The following SLC6A17 variants were observed in gnomAD, a reference collection of about 807,000 sequenced individuals.
SLC6A17 encodes the protein sodium-dependent neutral amino acid transporter SLC6A17.
SLC6A17 carries 21 observed loss-of-function variants against 64.5 expected under a neutral mutation model. The observed-to-expected ratio is 0.33, with a 90% confidence interval of 0.23 to 0.47. The LOEUF (loss-of-function observed/expected upper bound fraction) is 0.47. Among genes scored for constraint, SLC6A17 ranks in the 20% least tolerant of loss-of-function variants. The probability of loss-of-function intolerance (pLI) is 1.00; values close to 1 mark genes in which losing one functional copy is unlikely to be tolerated. For synonymous variants in SLC6A17, 372 were observed against 399.5 expected, an observed-to-expected ratio of 0.93 and a Z score of 0.82; for missense variants, 682 against 963.2, an observed-to-expected ratio of 0.71 and a Z score of 3.86.
At chr1:110,152,943 C>A (rs933429524) in intron 1 of SLC6A17, among the ~76,000 whole-genome samples, 3 of 152,136 alleles carry the variant, frequency 2.0e-5, no homozygotes, top group Non-Finnish European at 4.4e-5. Context: ...CGGTGCTTCC[C>A]ATGTGATTAA....
chr1:110,158,504 C>A (rs2101837955), intron 1 of SLC6A17, among the ~76,000 whole-genome samples: 1 of 152,330 alleles, frequency 6.6e-6, no homozygotes, highest in African/African-American at 2.4e-5. Context: ...AAGGTGGTAG[C>A]TGGCACTGGT....
intron 6 of SLC6A17, chr1:110,178,781 C>T (rs1005431057): frequency 3.9e-5 from 6 of 152,112 alleles, no homozygotes; most frequent in East Asian, 1.9e-4. Context: ...GCACTAATCC[C>T]GTCAGGGCTC....
At chr1:110,171,113 T>C (rs1224262666) in intron 2 of SLC6A17, among the ~76,000 whole-genome samples, 1 of 152,184 alleles carries the variant, frequency 6.6e-6, no homozygotes, top group Non-Finnish European at 1.5e-5. Flanking sequence ...TGGGATGTTA[T>C]GTTATGGGGG....
chr1:110,152,211 T>C (rs181465014), intron 1 of SLC6A17, among the ~76,000 whole-genome samples: 1 of 152,328 alleles, frequency 6.6e-6, no homozygotes, highest in East Asian at 1.9e-4. Flanking sequence ...CTGATTGTCC[T>C]TGGCCATGGC....
intron 1 of SLC6A17, among the ~76,000 whole-genome samples, chr1:110,161,356 T>C (rs999123157): frequency 1.3e-5 from 2 of 152,132 alleles, no homozygotes; most frequent in East Asian, 3.9e-4. Context: ...GAGTTAGATG[T>C]TGGCTTTGAG....
intron 1 of SLC6A17, among the ~76,000 whole-genome samples, chr1:110,151,615 T>C (rs1655609553): frequency 6.6e-6 from 1 of 152,144 alleles, no homozygotes; most frequent in South Asian, 2.1e-4. Flanking sequence ...CTCGCAGTAC[T>C]ATGGGTGGGC....
chr1:110,190,221 C>A (rs560208987), intron 6 of SLC6A17, among the ~76,000 whole-genome samples: 161 of 152,154 alleles, frequency 1.1e-3, no homozygotes, highest in Non-Finnish European at 3.5e-4. Context: ...ATCCTTAAGG[C>A]CTGGGTTCTG....
chr1:110,153,505 A>G (rs1336441911), intron 1 of SLC6A17, among the ~76,000 whole-genome samples: 1 of 94,388 alleles, frequency 1.1e-5, no homozygotes, highest in Non-Finnish European at 2.7e-5. Context: ...GGGGACTCCA[A>G]TCTGCTACTG....
chr1:110,167,763 TC>T (rs1479023843), intron 2 of SLC6A17, among the ~76,000 whole-genome samples: 1 of 152,202 alleles, frequency 6.6e-6, no homozygotes, highest in East Asian at 1.9e-4. Flanking sequence ...CATCGAATCC[TC>T]CCAACAGCCT....
chr1:110,188,895 C>G (rs1372577802), intron 6 of SLC6A17, among the ~76,000 whole-genome samples: 3 of 152,140 alleles, frequency 2.0e-5, no homozygotes, highest in Non-Finnish European at 4.4e-5. Flanking sequence ...GGAGCAACTC[C>G]GAGGAAGCCT....
chr1:110,187,253 C>G lies in SLC6A17; in HGVS notation c.865-4719C>G, dbSNP rs1441097650. ...GCAGAACAATTCGCGAATCGGGCAG[C>G]CTTCCGAGCCAGAGTAGGTTCAGAG... On this transcript the variant is annotated intron_variant, in intron 6 of 11. Transcript: ENST00000331565. 2.0e-5 allele frequency among the ~76,000 whole-genome samples: 3 copies of G among 152,188 alleles called. No homozygotes were observed. In the East Asian group the frequency reaches 5.8e-4, roughly 29 times the overall value.
chr1:110,162,747 A>G (rs932762730), intron 1 of SLC6A17, among the ~76,000 whole-genome samples: 8 of 152,066 alleles, frequency 5.3e-5, no homozygotes, highest in African/African-American at 9.7e-5. Context: ...CCAAGTCACT[A>G]TTTCCACTGG....
intron 6 of SLC6A17, 24 bp downstream of exon 6, chr1:110,176,763 G>T: frequency 6.3e-7 from 1 of 1,596,844 alleles, no homozygotes; most frequent in Non-Finnish European, 8.6e-7. Flanking sequence ...GCTCCCACAT[G>T]CCAGGGAACA....
intron 10 of SLC6A17, among the ~76,000 whole-genome samples, chr1:110,196,440 G>T (rs1656971048): frequency 6.6e-6 from 1 of 152,112 alleles, no homozygotes; most frequent in Admixed American, 6.5e-5. Flanking sequence ...TCTTTCACAG[G>T]GGCCGTCTGC....
At chr1:110,179,398 A>G (rs897060540) in intron 6 of SLC6A17, among the ~76,000 whole-genome samples, 5 of 152,218 alleles carry the variant, frequency 3.3e-5, no homozygotes, top group Non-Finnish European at 7.3e-5. Context: ...CAAGCTGTAC[A>G]TGAAAATCCC....
At chr1:110,169,584 G>A (rs768322636) in intron 2 of SLC6A17, among the ~76,000 whole-genome samples, 4 of 151,972 alleles carry the variant, frequency 2.6e-5, no homozygotes, top group Non-Finnish European at 2.9e-5. Flanking sequence ...GAATAACCTC[G>A]GGGTTTGCCA....
At chr1:110,187,197 C>T (rs1007693188) in intron 6 of SLC6A17, among the ~76,000 whole-genome samples, 2 of 79,404 alleles carry the variant, frequency 2.5e-5, no homozygotes, top group Non-Finnish European at 7.6e-5. Context: ...ATGAACAATT[C>T]GCTAATCAGG....
intron 9 of SLC6A17, chr1:110,194,998 C>A: frequency 1.7e-6 from 1 of 598,364 alleles, no homozygotes; most frequent in Non-Finnish European, 2.9e-6. Context: ...AGGCCTGCAT[C>A]TAGGCCCCTT....
In SLC6A17 at chr1:110,174,448, GTC is replaced by G. The variant is rs111504863; in HGVS notation, c.572-327_572-326del. On this transcript the variant is annotated intron_variant, in intron 4 of 11. Transcript: ENST00000331565. ...CCAATGATCTGGGATGAGAATCCAG[GTC>G]TCTAGCTCCCAGCTCAGGACCTTCC... Among the ~76,000 whole-genome samples, 1,515 of 152,258 alleles carry G rather than the reference GTC, an allele frequency of 1.0e-2. 20 individuals are homozygous for G. Among genetic ancestry groups the G allele is most frequent in the African/African-American group, 0.035 (1,450 of 41,542 alleles).
Sources: gnomAD v4.1 joint callset for allele counts (sites outside exome capture counted in the v4.1 genomes callset) on GRCh38, gnomAD v4.1.1 for gene constraint, MANE v1.5 for transcripts, NCBI Gene and HGNC (gene_info 2026-07-23, HGNC 2026-07-21) for gene names.